MRPS31: variants seen among roughly 807,000 people sequenced by gnomAD.
The protein encoded by MRPS31 is small ribosomal subunit protein mS31.
Under a neutral mutation model 43.1 loss-of-function variants are expected in MRPS31, and 32 were observed. The ratio of observed to expected loss-of-function variants is 0.74; its 90% confidence interval spans 0.56 to 1.00. MRPS31 has a LOEUF of 1.00. MRPS31 is among the 50% of genes least tolerant of loss of function. The pLI is 0.00. For missense variants in MRPS31, 437 were observed against 466.7 expected, an observed-to-expected ratio of 0.94 and a Z score of 0.59; for synonymous variants, 165 against 161.6, an observed-to-expected ratio of 1.02 and a Z score of -0.16.
At chr13:40,736,235 A>G (rs1879901014) in intron 6 of MRPS31, among the ~76,000 whole-genome samples, 1 of 152,222 alleles carries the variant, frequency 6.6e-6, no homozygotes, top group Admixed American at 6.6e-5. Context: ...TAGAGAAAAG[A>G]GAATAAAAAG....
intron 5 of MRPS31, among the ~76,000 whole-genome samples, chr13:40,751,298 A>G (rs1179332654): frequency 2.0e-5 from 3 of 152,172 alleles, no homozygotes; most frequent in African/African-American, 7.2e-5. Flanking sequence ...GATCATCACT[A>G]TATTTTTACA....
intron 6 of MRPS31, among the ~76,000 whole-genome samples, chr13:40,733,848 T>A (rs1879785114): frequency 1.3e-5 from 2 of 150,324 alleles, no homozygotes; most frequent in Middle Eastern, 3.4e-3. Context: ...GGTGGGCGCC[T>A]GTATGGGAGG....
chr13:40,767,146 C>A, intron 1 of MRPS31, 113 bp from the exon 2 acceptor site: 3 of 862,920 alleles, frequency 3.5e-6, no homozygotes, highest in Non-Finnish European at 5.0e-6. Flanking sequence ...TTTTTCAATT[C>A]AAGCCCTTTC....
In MRPS31 at chr13:40,759,066, C is replaced by T. The variant is rs1448882563; in HGVS notation, c.481G>A (p.Ala161Thr). Residue 161 changes from alanine (A) to threonine (T), a missense_variant, in exon 3 of 7, where the codon GCT becomes ACT. Coordinates refer to ENST00000323563, the MANE Select transcript of MRPS31 (RefSeq NM_005830.4). ...TCAAAAGGGAGAGAATCTGCCACAG[C>T]AGATGCAGCTGCCACCAACTCAGGA... ...LSPELVAAASAVADSLPFDKQ... is the reference protein window; with the variant it reads ...LSPELVAAASTVADSLPFDKQ... 3 of 1,605,406 alleles carry T rather than the reference C, an allele frequency of 1.9e-6. No homozygotes were observed. The highest frequency in any genetic ancestry group is 1.7e-6 in the Non-Finnish European group (2 of 1,176,280).
intron 1 of MRPS31, among the ~76,000 whole-genome samples, chr13:40,767,720 C>T (rs1880891247): frequency 1.3e-5 from 2 of 152,196 alleles, no homozygotes; most frequent in South Asian, 2.1e-4. Flanking sequence ...GGTAGAAAAA[C>T]ACTGACATGG....
chr13:40,750,274 G>A (rs1880348382), intron 5 of MRPS31, among the ~76,000 whole-genome samples: 1 of 152,136 alleles, frequency 6.6e-6, no homozygotes, highest in Admixed American at 6.5e-5. Context: ...AGATGCAAAG[G>A]AGTATATACT....
chr13:40,753,924 G>A lies in MRPS31; in HGVS notation c.814+95C>T, dbSNP rs1880459725. Reference sequence around the variant, plus strand: ...GCAGGATCCAGGCCAATGACAGAATGGAATATTAAAATATCCAAACTATTA... The same window carrying A: ...GCAGGATCCAGGCCAATGACAGAATAGAATATTAAAATATCCAAACTATTA... On this transcript the variant is annotated intron_variant, in intron 5 of 6. Coordinates refer to ENST00000323563, the MANE Select transcript of MRPS31 (RefSeq NM_005830.4). The A allele has an allele frequency of 5.0e-6, 4 of 800,732 alleles. No homozygotes were observed. In the South Asian group the frequency reaches 6.8e-5, roughly 14 times the overall value. The allele number at this position is 800,732 out of a possible 1,614,324, so 49.6% of individuals were successfully genotyped here.
At chr13:40,758,124 C>T in intron 3 of MRPS31, among the ~76,000 whole-genome samples, 1 of 142,450 alleles carries the variant, frequency 7.0e-6, no homozygotes, top group African/African-American at 2.7e-5. Flanking sequence ...ACCTGGGCGA[C>T]AGAGCGAGAC....
intron 6 of MRPS31, among the ~76,000 whole-genome samples, chr13:40,745,630 G>C (rs549701064): frequency 6.6e-6 from 1 of 152,160 alleles, no homozygotes; most frequent in African/African-American, 2.4e-5. Flanking sequence ...CCTACACTGT[G>C]GCTTGTCTTT....
chr13:40,764,372 T>C (rs1228418626), intron 2 of MRPS31, among the ~76,000 whole-genome samples: 1 of 152,190 alleles, frequency 6.6e-6, no homozygotes, highest in Non-Finnish European at 1.5e-5. Flanking sequence ...TTTTTTTTAA[T>C]ATTTTCAATC....
chr13:40,747,165 A>G (rs868037063), intron 6 of MRPS31, among the ~76,000 whole-genome samples: 4 of 150,868 alleles, frequency 2.7e-5, no homozygotes, highest in African/African-American at 9.8e-5. Flanking sequence ...TGCAACCTCT[A>G]CCTCCTGGGT....
intron 1 of MRPS31, 154 bp downstream of exon 1, chr13:40,770,831 C>A: frequency 1.1e-6 from 1 of 943,932 alleles, no homozygotes. Flanking sequence ...TGTTTTCACG[C>A]ACACTATGAC....
At chr13:40,739,212 C>G (rs1880009857) in intron 6 of MRPS31, among the ~76,000 whole-genome samples, 3 of 152,040 alleles carry the variant, frequency 2.0e-5, no homozygotes, top group African/African-American at 7.2e-5. Context: ...AATAAAATAC[C>G]TAGGAATCCA....
In MRPS31 at chr13:40,754,932, G is replaced by A. The variant is rs544026308; in HGVS notation, c.741-840C>T. Among the ~76,000 whole-genome samples, 32 of 152,326 alleles carry A rather than the reference G, an allele frequency of 2.1e-4. No homozygotes were observed. In the South Asian group the frequency reaches 5.0e-3, roughly 24 times the overall value. On this transcript the variant is annotated intron_variant, in intron 4 of 6. Transcript: ENST00000323563. The stretch of plus-strand genomic sequence containing the variant: ...GCCTGTAATCTCTGCTACTTGAGAG[G>A]CTAAGGCAGGAGAATCCCTTGAACC...
chr13:40,770,620 T>A (rs1041066541), intron 1 of MRPS31: 4 of 290,556 alleles, frequency 1.4e-5, no homozygotes, highest in African/African-American at 9.2e-5. Context: ...TCACTTGGGG[T>A]TTACAACCAG....
At position 40,758,930 on chromosome 13, in the gene MRPS31, AG is replaced by A; in HGVS notation, c.599+17del. ...TTGAGATATAAACATTACTGACTTA[AG>A]GGTTTGATTCACTCACCTAATTTTA... On this transcript the variant is annotated intron_variant, in intron 3 of 6. Transcript: ENST00000323563. The A allele has an allele frequency of 6.5e-7, 1 of 1,548,466 alleles. No homozygotes were observed. Among genetic ancestry groups the A allele is most frequent in the Non-Finnish European group, 8.7e-7 (1 of 1,150,110 alleles).
intron 6 of MRPS31, among the ~76,000 whole-genome samples, chr13:40,739,435 A>C (rs866773955): frequency 1.1e-4 from 16 of 152,186 alleles, no homozygotes; most frequent in Middle Eastern, 3.4e-3. Context: ...TTGGAAAAAA[A>C]TACTTTAAAG....
chr13:40,735,359 C>T (rs1343242333), intron 6 of MRPS31, among the ~76,000 whole-genome samples: 2 of 152,180 alleles, frequency 1.3e-5, no homozygotes, highest in Admixed American at 6.5e-5. Context: ...GCGGGAGGGG[C>T]GCCCACCATT....
chr13:40,748,384 T>C (rs1397652337), intron 6 of MRPS31, among the ~76,000 whole-genome samples: 1 of 152,220 alleles, frequency 6.6e-6, no homozygotes, highest in African/African-American at 2.4e-5. Context: ...CTCGAACTCC[T>C]GAACTCAGGC....
Sources: allele counts gnomAD v4.1 joint callset (sites outside exome capture counted in the v4.1 genomes callset), GRCh38; gene constraint gnomAD v4.1.1; transcripts MANE v1.5; gene names NCBI Gene and HGNC (gene_info 2026-07-23, HGNC 2026-07-21).